The following M1AP variants were observed in gnomAD, a reference collection of about 807,000 sequenced individuals.
M1AP encodes the protein meiosis 1 associated protein.
M1AP carries 39 observed loss-of-function variants against 51.2 expected under a neutral mutation model. The ratio of observed to expected loss-of-function variants is 0.76; its 90% CI spans 0.59 to 1.00. The LOEUF (loss-of-function observed/expected upper bound fraction) is 1.00. Among genes scored for constraint, M1AP ranks in the 50% least tolerant of loss-of-function variants. M1AP has a pLI of 0.00. For missense variants in M1AP, 545 were observed against 641.2 expected, an observed-to-expected ratio of 0.85 and a Z score of 1.62; for synonymous variants, 251 against 249.2, an observed-to-expected ratio of 1.01 and a Z score of -0.07.
chr2:74,584,425 A>G (rs1573096306), intron 4 of M1AP, among the ~76,000 whole-genome samples: 1 of 150,548 alleles, frequency 6.6e-6, no homozygotes, highest in South Asian at 2.1e-4. Context: ...CCTGGGCAAC[A>G]TAGTGAGACA....
At chr2:74,596,601 C>CAAT in intron 4 of M1AP, among the ~76,000 whole-genome samples, 1 of 152,080 alleles carries the variant, frequency 6.6e-6, no homozygotes, top group East Asian at 1.9e-4. Context: ...ACAACAACAA[C>CAAT]AACAACAACA....
In M1AP at chr2:74,562,249, C is replaced by A. The variant is rs745727688; in HGVS notation, c.1249G>T (p.Asp417Tyr). 25 of 1,613,756 alleles carry A rather than the reference C, an allele frequency of 1.5e-5. No individual in the cohort carries two copies. Among genetic ancestry groups the A allele is most frequent in the Non-Finnish European group, 1.9e-5 (23 of 1,179,808 alleles). Residue 417 changes from aspartate (D) to tyrosine (Y), a missense_variant, in exon 8 of 11, where the codon GAC (aspartate) becomes TAC (tyrosine). By Grantham distance (160) the Asp-to-Tyr change is radical. Coordinates refer to ENST00000421985, the MANE Select transcript of M1AP (RefSeq NM_001321739.2). ...TTCTTAAGGCTATCATCATGTGGGT[C>A]CTCAGGTAGCAGGGGGAAGGTGCTG... ...LPSTFPLLPE[D>Y]PHDDSLKNVE...
rs189480244 is a variant in M1AP, at chr2:74,633,840, G to A, written c.240+6196C>T. Among the ~76,000 whole-genome samples, 12 of 152,172 alleles carry A rather than the reference G, an allele frequency of 7.9e-5. No homozygotes were observed. In the East Asian group the frequency reaches 2.1e-3, roughly 27 times the overall value. Reference sequence around the variant, plus strand: ...TTCCCTCCTCTTCAGTCCTAGAGGTGGTATGGCTATTGCACCACCTAAACT... The same window carrying A: ...TTCCCTCCTCTTCAGTCCTAGAGGTAGTATGGCTATTGCACCACCTAAACT... On this transcript the variant is annotated intron_variant, in intron 2 of 10. Coordinates refer to ENST00000421985, the MANE Select transcript of M1AP (RefSeq NM_001321739.2).
intron 2 of M1AP, among the ~76,000 whole-genome samples, chr2:74,626,521 A>C (rs188655955): frequency 7.6e-4 from 116 of 152,298 alleles, no homozygotes; most frequent in African/African-American, 2.6e-3. Flanking sequence ...GGCCTCCCAA[A>C]GTGCTAGGAT....
chr2:74,564,422 C>T (rs1001528784), intron 7 of M1AP, among the ~76,000 whole-genome samples: 2 of 152,076 alleles, frequency 1.3e-5, no homozygotes, highest in African/African-American at 2.4e-5. Context: ...ACTGATAATT[C>T]GGGAGGCATG....
chr2:74,629,915 A>T (rs535783575), intron 2 of M1AP, among the ~76,000 whole-genome samples: 39 of 152,028 alleles, frequency 2.6e-4, no homozygotes, highest in African/African-American at 8.7e-4. Context: ...TCTGGTCTAA[A>T]GTATTTTGGA....
chr2:74,613,448 A>C (rs2104732222), intron 3 of M1AP, among the ~76,000 whole-genome samples: 1 of 152,246 alleles, frequency 6.6e-6, no homozygotes. Flanking sequence ...CTTTTAGTGA[A>C]CTTATGCCTC....
At chr2:74,614,331 C>A (rs1179012697) in intron 3 of M1AP, among the ~76,000 whole-genome samples, 2 of 152,182 alleles carry the variant, frequency 1.3e-5, no homozygotes, top group East Asian at 1.9e-4. Context: ...GATGGAGTGG[C>A]AACTTCCAAG....
At chr2:74,587,709 C>G (rs363685) in intron 4 of M1AP, among the ~76,000 whole-genome samples, 1 of 152,000 alleles carries the variant, frequency 6.6e-6, no homozygotes, top group Non-Finnish European at 1.5e-5. Context: ...ACTAGATGAA[C>G]GGGTCACACC....
intron 7 of M1AP, among the ~76,000 whole-genome samples, chr2:74,568,658 T>C (rs1041874107): frequency 6.6e-6 from 1 of 152,174 alleles, no homozygotes; most frequent in Non-Finnish European, 1.5e-5. Flanking sequence ...TAGGGCTCCA[T>C]GGGGCAAAAG....
chr2:74,567,626 C>T (rs1312587955), intron 7 of M1AP, among the ~76,000 whole-genome samples: 3 of 152,208 alleles, frequency 2.0e-5, no homozygotes, highest in Non-Finnish European at 4.4e-5. Flanking sequence ...ACATGGTAAG[C>T]ACCATGAAGT....
chr2:74,647,292 C>T, intron 1 of M1AP: 1 of 985,386 alleles, frequency 1.0e-6, no homozygotes, highest in Non-Finnish European at 1.2e-6. Context: ...AGATCGGCTT[C>T]TCGCTGTGTC....
At chr2:74,612,843 T>C (rs1245886802) in intron 3 of M1AP, among the ~76,000 whole-genome samples, 1 of 152,156 alleles carries the variant, frequency 6.6e-6, no homozygotes. Flanking sequence ...TTTAAGAAAT[T>C]CTCAGTCATT....
rs536872397 is a variant in M1AP, at chr2:74,645,042, G to A, written c.-53+3223C>T. ...GCTCTTTGCAATAAATCTTGCCGCT[G>A]CTCACTTTTTGGGTCCGCACTGCCT... On this transcript the variant is annotated intron_variant, in intron 1 of 10. Coordinates refer to ENST00000421985, the MANE Select transcript of M1AP (RefSeq NM_001321739.2). 1.3e-3 allele frequency among the ~76,000 whole-genome samples: 191 copies of A among 152,258 alleles called. 2 individuals are homozygous for A. Among genetic ancestry groups the A allele is most frequent in the African/African-American group, 4.4e-3 (183 of 41,540 alleles).
chr2:74,633,587 T>C (rs1203533302), intron 2 of M1AP, among the ~76,000 whole-genome samples: 1 of 152,192 alleles, frequency 6.6e-6, no homozygotes, highest in East Asian at 1.9e-4. Context: ...ATATTCAGAA[T>C]TGAGCCCAAT....
At chr2:74,596,434 T>G (rs564551040) in intron 4 of M1AP, among the ~76,000 whole-genome samples, 5 of 152,110 alleles carry the variant, frequency 3.3e-5, no homozygotes, top group African/African-American at 1.2e-4. Flanking sequence ...TACAAAAAAT[T>G]TGCCGGGCGT....
At chr2:74,633,955 T>C (rs1682835573) in intron 2 of M1AP, among the ~76,000 whole-genome samples, 2 of 152,148 alleles carry the variant, frequency 1.3e-5, no homozygotes, top group Non-Finnish European at 1.5e-5. Flanking sequence ...TCCTAGCAAT[T>C]TGACTGACTT....
intron 7 of M1AP, among the ~76,000 whole-genome samples, chr2:74,569,918 G>A (rs1678627413): frequency 6.6e-6 from 1 of 151,554 alleles, no homozygotes; most frequent in Non-Finnish European, 1.5e-5. Context: ...GCGTGTGTGT[G>A]TGTGTGTGTG....
At chr2:74,592,451 T>G (rs1680104810) in intron 4 of M1AP, among the ~76,000 whole-genome samples, 2 of 152,192 alleles carry the variant, frequency 1.3e-5, no homozygotes, top group African/African-American at 4.8e-5. Flanking sequence ...TTTTTTTGAA[T>G]TATGTGTTTA....
Sources: gnomAD v4.1 joint callset for allele counts (sites outside exome capture counted in the v4.1 genomes callset) on GRCh38, gnomAD v4.1.1 for gene constraint, MANE v1.5 for transcripts, NCBI Gene and HGNC (gene_info 2026-07-23, HGNC 2026-07-21) for gene names.